GRM1: variants seen among roughly 807,000 people sequenced by gnomAD.
GRM1 encodes the protein glutamate metabotropic receptor 1.
A neutral mutation model predicts 90.9 loss-of-function variants in GRM1; 33 were observed. That is an observed-to-expected ratio of 0.36 (90% confidence interval 0.28 to 0.49). GRM1 has a LOEUF of 0.49. Ranked by LOEUF, GRM1 falls within the 20% of genes least tolerant of loss-of-function variation. GRM1 has a pLI of 0.99. For synonymous variants in GRM1, 700 were observed against 613.2 expected (o/e 1.14, Z -2.09); for missense variants, 1,190 against 1,534.3 (o/e 0.78, Z 3.75).
Position 146,435,270 on chromosome 6 carries a change from G to A in GRM1, c.*474G>A. 4 of 292,652 alleles carry A rather than the reference G, an allele frequency of 1.4e-5. No individual in the cohort carries two copies. Among genetic ancestry groups the A allele is most frequent in the South Asian group, 1.4e-4 (4 of 29,448 alleles). 18.1% of individuals were successfully genotyped at this position (292,652 alleles called of 1,614,324 possible). A position where few individuals can be genotyped will look rare whatever the true frequency, so the allele number is the denominator to read the frequency against. The stretch of plus-strand genomic sequence containing the variant: ...GAGCTGGTGGAGCCAGACAGAGCAG[G>A]TGCGGGGAAGGGAAGGGCCCAGGCC... On this transcript the variant is annotated 3_prime_UTR_variant, in exon 8 of 8. Coordinates refer to ENST00000282753, the MANE Select transcript of GRM1 (RefSeq NM_001278064.2).
intron 7 of GRM1, among the ~76,000 whole-genome samples, chr6:146,429,991 C>G (rs184596513): frequency 6.6e-6 from 1 of 152,312 alleles, no homozygotes; most frequent in Non-Finnish European, 1.5e-5. Context: ...GCAGTTTGTG[C>G]AGGAGGCTTC....
At chr6:146,081,665 C>A (rs1374900045) in intron 1 of GRM1, among the ~76,000 whole-genome samples, 1 of 152,034 alleles carries the variant, frequency 6.6e-6, no homozygotes, top group Non-Finnish European at 1.5e-5. Context: ...AGCACTTTTT[C>A]AAATTAAATT....
At chr6:146,096,293 C>T (rs1022800802) in intron 1 of GRM1, among the ~76,000 whole-genome samples, 1 of 152,060 alleles carries the variant, frequency 6.6e-6, no homozygotes, top group African/African-American at 2.4e-5. Flanking sequence ...TGTTATTTCC[C>T]TTCATGGATT....
At chr6:146,227,300 G>GT (rs1356032532) in intron 2 of GRM1, among the ~76,000 whole-genome samples, 1 of 151,982 alleles carries the variant, frequency 6.6e-6, no homozygotes, top group Non-Finnish European at 1.5e-5. Flanking sequence ...TCACAGTGGG[G>GT]TTTGGGGATG....
At chr6:146,137,822 A>C (rs1037322816) in intron 1 of GRM1, among the ~76,000 whole-genome samples, 4 of 149,198 alleles carry the variant, frequency 2.7e-5, no homozygotes, top group African/African-American at 1.0e-4. Flanking sequence ...TGTCCTGCTC[A>C]ATTTATTTCA....
chr6:146,314,051 C>CTTTTTTTTTTTTTTTTTTTTTT lies in GRM1; in HGVS notation c.1186+9216_1186+9237dup, dbSNP rs552986343. 4.8e-5 allele frequency among the ~76,000 whole-genome samples: 3 copies of CTTTTTTTTTTTTTTTTTTTTTT among 61,960 alleles called. 1 individual carries two copies. The highest frequency in any genetic ancestry group is 7.8e-5 in the Non-Finnish European group (3 of 38,220). 40.6% of individuals were successfully genotyped at this position (61,960 alleles called of 152,430 possible). ...CACTGTATATATCAATAGTTAATTC[C>CTTTTTTTTTTTTTTTTTTTTTT]TTTTTTTTTTTTTTTTTTTTTTTTT... On this transcript the variant is annotated intron_variant, in intron 3 of 7. Transcript: ENST00000282753.
At chr6:146,296,321 G>A (rs1783175879) in intron 2 of GRM1, among the ~76,000 whole-genome samples, 1 of 152,130 alleles carries the variant, frequency 6.6e-6, no homozygotes, top group Non-Finnish European at 1.5e-5. Flanking sequence ...TATATTTATG[G>A]AGTACAATGT....
At chr6:146,422,308 G>A (rs1333122888) in intron 7 of GRM1, among the ~76,000 whole-genome samples, 1 of 152,162 alleles carries the variant, frequency 6.6e-6, no homozygotes, top group Non-Finnish European at 1.5e-5. Context: ...TTTTCTACTG[G>A]AAGTTATTGA....
intron 7 of GRM1, among the ~76,000 whole-genome samples, chr6:146,414,533 G>A (rs1056176317): frequency 6.6e-6 from 1 of 152,042 alleles, no homozygotes; most frequent in Non-Finnish European, 1.5e-5. Flanking sequence ...CTCCCAAGTA[G>A]CTGGGACTAC....
intron 2 of GRM1, among the ~76,000 whole-genome samples, chr6:146,242,833 A>G (rs1038810065): frequency 9.2e-5 from 14 of 152,134 alleles, no homozygotes; most frequent in African/African-American, 2.7e-4. Context: ...CACACCAGAC[A>G]TGAGAGACTT....
intron 2 of GRM1, among the ~76,000 whole-genome samples, chr6:146,303,697 C>T (rs894433515): frequency 6.6e-6 from 1 of 152,152 alleles, no homozygotes; most frequent in Admixed American, 6.5e-5. Flanking sequence ...CCCTCCAGTA[C>T]TTTTCCACTA....
intron 7 of GRM1, among the ~76,000 whole-genome samples, chr6:146,419,538 T>A (rs2114654054): frequency 6.6e-6 from 1 of 152,306 alleles, no homozygotes; most frequent in Admixed American, 6.5e-5. Context: ...AGTGTATTTG[T>A]TCATTCTCAC....
At chr6:146,231,550 G>T (rs1780451200) in intron 2 of GRM1, among the ~76,000 whole-genome samples, 1 of 152,068 alleles carries the variant, frequency 6.6e-6, no homozygotes, top group African/African-American at 2.4e-5. Context: ...CAAGATGACA[G>T]ATTTAGTTTT....
intron 1 of GRM1, among the ~76,000 whole-genome samples, chr6:146,073,267 T>A (rs1195402886): frequency 6.6e-6 from 1 of 152,138 alleles, no homozygotes; most frequent in Non-Finnish European, 1.5e-5. Context: ...TTGTTGTCTT[T>A]GTTGGCTAGA....
chr6:146,056,581 C>G (rs2892453), intron 1 of GRM1, among the ~76,000 whole-genome samples: 1 of 151,906 alleles, frequency 6.6e-6, no homozygotes, highest in South Asian at 2.1e-4. Context: ...AATTTAATGT[C>G]GAACCTTCGG....
intron 5 of GRM1, among the ~76,000 whole-genome samples, chr6:146,362,664 CAAAAAAAAA>C (rs11432508): frequency 8.1e-5 from 7 of 86,198 alleles, no homozygotes; most frequent in African/African-American, 1.5e-4. Flanking sequence ...GACTCCATCT[CAAAAAAAAA>C]AAAAAAAAAA....
At position 146,034,080 on chromosome 6, in the gene GRM1, G is replaced by A. The variant is rs551977484; in HGVS notation, c.700+3863G>A. 2.6e-5 allele frequency among the ~76,000 whole-genome samples: 4 copies of A among 152,136 alleles called. No homozygotes were observed. The South Asian group carries it at 6.2e-4, about 24-fold the overall frequency. ...AAAGATGCTTAGAACATCACATTAC[G>A]TGCTTGCCCACGCTCAAAGCTTTCT... On this transcript the variant is annotated intron_variant, in intron 1 of 7. Transcript: ENST00000282753.
chr6:146,387,951 C>T (rs943862643), intron 6 of GRM1, among the ~76,000 whole-genome samples: 1 of 151,958 alleles, frequency 6.6e-6, no homozygotes, highest in Non-Finnish European at 1.5e-5. Flanking sequence ...TGGATTAGGA[C>T]AGCTACAGTA....
chr6:146,352,024 A>G (rs574395976), intron 3 of GRM1, among the ~76,000 whole-genome samples: 35 of 152,306 alleles, frequency 2.3e-4, no homozygotes, highest in African/African-American at 8.2e-4. Context: ...TTTATATCTC[A>G]TAAAACCATT....
Sources: allele counts gnomAD v4.1 joint callset (sites outside exome capture counted in the v4.1 genomes callset), GRCh38; gene constraint gnomAD v4.1.1; transcripts MANE v1.5; gene names NCBI Gene and HGNC (gene_info 2026-07-23, HGNC 2026-07-21).